The following DNM3 variants were observed in gnomAD, a reference collection of about 807,000 sequenced individuals.
DNM3 encodes the protein dynamin 3.
DNM3 carries 47 observed loss-of-function variants against 101.6 expected under a neutral mutation model. The observed-to-expected ratio is 0.46, with a 90% confidence interval of 0.37 to 0.59. The LOEUF (loss-of-function observed/expected upper bound fraction) is 0.59, where lower values mean the gene tolerates loss of function less well. DNM3 is among the 20% of genes least tolerant of loss of function. DNM3 has a pLI of 0.00. For synonymous variants in DNM3, 385 were observed against 387.9 expected (o/e 0.99, Z 0.09); for missense variants, 849 against 1,085.7 (o/e 0.78, Z 3.06).
intron 14 of DNM3, among the ~76,000 whole-genome samples, chr1:172,233,900 A>C (rs1014327497): frequency 1.3e-5 from 2 of 152,228 alleles, no homozygotes; most frequent in Non-Finnish European, 2.9e-5. Flanking sequence ...TCAAAATAAT[A>C]AGAGCTATTT....
chr1:172,264,034 G>A (rs2062766388), intron 15 of DNM3, among the ~76,000 whole-genome samples: 2 of 152,214 alleles, frequency 1.3e-5, no homozygotes, highest in Admixed American at 1.3e-4. Context: ...GTTCTGAAGT[G>A]TCAGAATAGC....
At chr1:171,927,339 G>T (rs975786206) in intron 2 of DNM3, among the ~76,000 whole-genome samples, 7 of 152,102 alleles carry the variant, frequency 4.6e-5, no homozygotes, top group Admixed American at 4.6e-4. Flanking sequence ...TCATCATCCA[G>T]GTTTTAAGTC....
intron 4 of DNM3, among the ~76,000 whole-genome samples, chr1:172,016,791 T>C (rs934703617): frequency 6.6e-6 from 1 of 152,166 alleles, no homozygotes; most frequent in Non-Finnish European, 1.5e-5. Flanking sequence ...CCTGTTCCAA[T>C]CACCTATTTC....
intron 14 of DNM3, among the ~76,000 whole-genome samples, chr1:172,220,726 G>A (rs899162820): frequency 6.6e-6 from 1 of 152,114 alleles, no homozygotes; most frequent in Non-Finnish European, 1.5e-5. Context: ...AGAATGACCA[G>A]GTGGAATTTG....
At chr1:172,375,896 A>G (rs1212970382) in intron 17 of DNM3, among the ~76,000 whole-genome samples, 1 of 151,326 alleles carries the variant, frequency 6.6e-6, no homozygotes, top group Non-Finnish European at 1.5e-5. Flanking sequence ...TTACAGCTAT[A>G]TGGGAGGATC....
chr1:172,387,924 G>C (rs1315458268), intron 19 of DNM3, among the ~76,000 whole-genome samples: 1 of 151,856 alleles, frequency 6.6e-6, no homozygotes, highest in Non-Finnish European at 1.5e-5. Flanking sequence ...CCAGTTAACG[G>C]GAAGCTTTAA....
intron 15 of DNM3, among the ~76,000 whole-genome samples, chr1:172,269,336 C>G (rs937595615): frequency 2.0e-5 from 3 of 152,204 alleles, no homozygotes; most frequent in Non-Finnish European, 4.4e-5. Flanking sequence ...TCCCCACTAC[C>G]CTCGTCAGAC....
At chr1:172,383,473 A>T (rs1336834648) in intron 18 of DNM3, among the ~76,000 whole-genome samples, 1 of 152,162 alleles carries the variant, frequency 6.6e-6, no homozygotes, top group East Asian at 1.9e-4. Context: ...CCCAAAACTA[A>T]ACAAAATTAA....
chr1:172,054,162 T>G (rs1316424996), intron 10 of DNM3, among the ~76,000 whole-genome samples: 1 of 152,250 alleles, frequency 6.6e-6, no homozygotes, highest in African/African-American at 2.4e-5. Context: ...ATGCCTCATG[T>G]GTAAAAACCT....
intron 16 of DNM3, among the ~76,000 whole-genome samples, chr1:172,322,175 C>T (rs893182444): frequency 5.3e-5 from 8 of 152,130 alleles, no homozygotes; most frequent in Non-Finnish European, 1.2e-4. Flanking sequence ...TTTCCGCTCT[C>T]CAGAAAATAT....
intron 15 of DNM3, among the ~76,000 whole-genome samples, chr1:172,283,691 C>T (rs1160042196): frequency 2.2e-5 from 3 of 139,096 alleles, no homozygotes; most frequent in East Asian, 4.5e-4. Flanking sequence ...AACCAGGAGG[C>T]GGAGGTTGCA....
intron 16 of DNM3, 153 bp downstream of exon 16, chr1:172,308,992 T>C (rs2064967751): frequency 2.3e-6 from 1 of 428,146 alleles, no homozygotes; most frequent in African/African-American, 2.0e-5. Flanking sequence ...TCTTTTTATA[T>C]TTTTTAACAA....
At chr1:172,331,139 C>A (rs2066165812) in intron 17 of DNM3, among the ~76,000 whole-genome samples, 1 of 152,114 alleles carries the variant, frequency 6.6e-6, no homozygotes, top group East Asian at 1.9e-4. Context: ...TGAGATGAAG[C>A]CTCCCCATCT....
intron 14 of DNM3, among the ~76,000 whole-genome samples, chr1:172,164,227 C>CTTTTTTTTTTTTTTTTTT (rs1165249284): frequency 2.9e-5 from 3 of 102,520 alleles, no homozygotes; most frequent in African/African-American, 1.4e-4. Context: ...ATTTTCTTTT[C>CTTTTTTTTTTTTTTTTTT]TTTTCTTTTT....
At chr1:172,120,751 CACCA>C (rs2056255163) in intron 13 of DNM3, among the ~76,000 whole-genome samples, 1 of 152,210 alleles carries the variant, frequency 6.6e-6, no homozygotes, top group African/African-American at 2.4e-5. Context: ...TTCTTGGCAG[CACCA>C]ACCAGAGTTA....
intron 10 of DNM3, among the ~76,000 whole-genome samples, chr1:172,054,403 T>C (rs774700725): frequency 2.0e-4 from 30 of 152,216 alleles, no homozygotes; most frequent in Non-Finnish European, 3.5e-4. Context: ...GAAATTATTT[T>C]GGTGGGCATC....
intron 14 of DNM3, among the ~76,000 whole-genome samples, chr1:172,183,885 G>A (rs1355523866): frequency 2.1e-5 from 3 of 146,080 alleles, no homozygotes; most frequent in African/African-American, 7.6e-5. Context: ...TGGGATTACA[G>A]GCATGAGCCA....
chr1:172,156,921 C>T (rs1230845374), intron 14 of DNM3, among the ~76,000 whole-genome samples: 1 of 152,010 alleles, frequency 6.6e-6, no homozygotes, highest in Non-Finnish European at 1.5e-5. Context: ...TTTCCATCTG[C>T]AAAATTGGGA....
intron 16 of DNM3, among the ~76,000 whole-genome samples, chr1:172,313,901 C>T (rs1031507584): frequency 3.9e-5 from 6 of 152,098 alleles, no homozygotes; most frequent in African/African-American, 1.2e-4. Flanking sequence ...CACCCATCAA[C>T]CAGTCATCTA....
Sources: allele counts gnomAD v4.1 joint callset (sites outside exome capture counted in the v4.1 genomes callset), GRCh38; gene constraint gnomAD v4.1.1; transcripts MANE v1.5; gene names NCBI Gene and HGNC (gene_info 2026-07-23, HGNC 2026-07-21).